BTG4: variants seen among roughly 807,000 people sequenced by gnomAD.
BTG4 encodes the protein BTG anti-proliferation factor 4.
A neutral mutation model predicts 19.3 loss-of-function variants in BTG4; 10 were observed. The observed-to-expected ratio is 0.52, with a 90% CI of 0.32 to 0.88. BTG4 has a LOEUF of 0.88. Among genes scored for constraint, BTG4 ranks in the 40% least tolerant of loss-of-function variants. BTG4 has a pLI of 0.04. For synonymous variants in BTG4, 91 were observed against 95.7 expected (o/e 0.95, Z 0.29); for missense variants, 238 against 281.9 (o/e 0.84, Z 1.11).
upstream of BTG4, among the ~76,000 whole-genome samples, chr11:111,513,780 GTTA>G (rs1429472838): frequency 2.6e-5 from 4 of 151,878 alleles, no homozygotes; most frequent in South Asian, 2.1e-4. Context: ...ACTGATGTAT[GTTA>G]TTATATGAAC....
chr11:111,506,768 G>C (rs1396782597), intron 1 of BTG4, among the ~76,000 whole-genome samples: 24 of 151,978 alleles, frequency 1.6e-4, no homozygotes, highest in Non-Finnish European at 1.5e-5. Flanking sequence ...TTAGAATATA[G>C]AATAATACTC....
chr11:111,401,405 C>A, the BTG4 span, among the ~76,000 whole-genome samples: 1 of 151,714 alleles, frequency 6.6e-6, no homozygotes, highest in Non-Finnish European at 1.5e-5. Flanking sequence ...TGGCGTGAAC[C>A]CAGGAGACAG....
At chr11:111,507,429 C>T (rs1279181529) in intron 1 of BTG4, among the ~76,000 whole-genome samples, 1 of 151,638 alleles carries the variant, frequency 6.6e-6, no homozygotes, top group African/African-American at 2.4e-5. Flanking sequence ...TGACAGAGGC[C>T]AATCAGTAGT....
At chr11:111,504,128 T>C (rs1866280518) in intron 1 of BTG4, among the ~76,000 whole-genome samples, 1 of 152,132 alleles carries the variant, frequency 6.6e-6, no homozygotes, top group Non-Finnish European at 1.5e-5. Flanking sequence ...ATACATGTTA[T>C]TGCTAAAGAG....
At chr11:111,489,310 G>A (rs1037785900) in intron 5 of BTG4, among the ~76,000 whole-genome samples, 1 of 152,148 alleles carries the variant, frequency 6.6e-6, no homozygotes, top group African/African-American at 2.4e-5. Flanking sequence ...GTGTAGAAAG[G>A]GGAACCCTCA....
the BTG4 span, among the ~76,000 whole-genome samples, chr11:111,392,739 A>G: frequency 8.5e-5 from 13 of 152,284 alleles, no homozygotes; most frequent in African/African-American, 3.1e-4. Context: ...GGGAGAATAG[A>G]CATTCCAGCC....
At chr11:111,448,590 C>A in the BTG4 span, 1 of 152,870 alleles carries the variant, frequency 6.5e-6, no homozygotes, top group African/African-American at 2.4e-5. Context: ...TGCCTGTTTC[C>A]CCTGTGGCTC....
At chr11:111,449,110 T>C in the BTG4 span, among the ~76,000 whole-genome samples, 29 of 152,244 alleles carry the variant, frequency 1.9e-4, no homozygotes, top group African/African-American at 6.5e-4. Context: ...CAAGTCTCTT[T>C]TTTTATTGAA....
chr11:111,489,782 G>A (rs760044110), intron 5 of BTG4, among the ~76,000 whole-genome samples: 33 of 151,862 alleles, frequency 2.2e-4, no homozygotes, highest in Non-Finnish European at 3.8e-4. Context: ...ATTCACACTT[G>A]GGAGTGAAAA....
the BTG4 span, among the ~76,000 whole-genome samples, chr11:111,452,902 C>T: frequency 6.6e-6 from 1 of 151,946 alleles, no homozygotes; most frequent in East Asian, 1.9e-4. Flanking sequence ...TAATGTGGTC[C>T]CTGTACTACC....
intron 4 of BTG4, among the ~76,000 whole-genome samples, chr11:111,495,623 T>C (rs1044308892): frequency 7.2e-5 from 11 of 152,212 alleles, no homozygotes; most frequent in African/African-American, 2.2e-4. Flanking sequence ...CAAAACTGCA[T>C]GTTCATGATC....
chr11:111,410,307 GT>G, the BTG4 span, among the ~76,000 whole-genome samples: 12 of 151,898 alleles, frequency 7.9e-5, no homozygotes, highest in Non-Finnish European at 1.6e-4. Flanking sequence ...ATCTTACAAT[GT>G]TGCCCATGCT....
the BTG4 span, among the ~76,000 whole-genome samples, chr11:111,415,557 G>A: frequency 1.3e-5 from 2 of 152,196 alleles, no homozygotes; most frequent in Non-Finnish European, 2.9e-5. Flanking sequence ...GTGCAAAATG[G>A]CAGGAGGAGG....
chr11:111,394,843 CTT>C, the BTG4 span, among the ~76,000 whole-genome samples: 2 of 152,210 alleles, frequency 1.3e-5, no homozygotes, highest in Admixed American at 6.5e-5. Flanking sequence ...ATGGTCCTAT[CTT>C]TGTTGGCTTA....
the BTG4 span, among the ~76,000 whole-genome samples, chr11:111,392,169 CTTTTTTT>C: frequency 8.2e-5 from 7 of 85,394 alleles, no homozygotes; most frequent in Non-Finnish European, 1.1e-4. Flanking sequence ...CTGTGATTTT[CTTTTTTT>C]TTTTTTTTTT....
intron 5 of BTG4, among the ~76,000 whole-genome samples, chr11:111,470,619 C>G (rs1864002512): frequency 6.6e-6 from 1 of 152,100 alleles, no homozygotes; most frequent in Admixed American, 6.5e-5. Flanking sequence ...TTCTTAATAT[C>G]TTGTTAAAGC....
At chr11:111,459,140 G>A in the BTG4 span, among the ~76,000 whole-genome samples, 1 of 152,104 alleles carries the variant, frequency 6.6e-6, no homozygotes, top group Non-Finnish European at 1.5e-5. Context: ...TACTTGGGAG[G>A]CTGAGGCGGG....
the BTG4 span, chr11:111,450,824 C>G: frequency 6.5e-6 from 1 of 153,318 alleles, no homozygotes; most frequent in East Asian, 1.9e-4. Context: ...CTCGGGGATC[C>G]CAGGTGTCCA....
the BTG4 span, among the ~76,000 whole-genome samples, chr11:111,410,640 A>G: frequency 1.3e-5 from 2 of 152,198 alleles, no homozygotes; most frequent in Non-Finnish European, 2.9e-5. Context: ...CACCTCACTC[A>G]GACTCAGTTT....
Sources: gnomAD v4.1 joint callset for allele counts (sites outside exome capture counted in the v4.1 genomes callset) on GRCh38, gnomAD v4.1.1 for gene constraint, MANE v1.5 for transcripts, NCBI Gene and HGNC (gene_info 2026-07-23, HGNC 2026-07-21) for gene names.